The following SUGCT variants were observed in gnomAD, a reference collection of about 807,000 sequenced individuals.
SUGCT encodes the protein succinyl-CoA:glutarate CoA-transferase.
Under a neutral mutation model 55.0 loss-of-function variants are expected in SUGCT, and 41 were observed. The ratio of observed to expected loss-of-function variants is 0.74; its 90% CI spans 0.58 to 0.97. The LOEUF (loss-of-function observed/expected upper bound fraction) is 0.97, where lower values mean the gene tolerates loss of function less well. SUGCT is among the 50% of genes least tolerant of loss of function. The pLI, the probability that SUGCT is intolerant of heterozygous loss-of-function variation, is 0.00. For synonymous variants in SUGCT, 187 were observed against 200.4 expected (o/e 0.93, Z 0.56); for missense variants, 568 against 547.8 (o/e 1.04, Z -0.37).
At chr7:40,458,266 C>CT (rs1212046952) in intron 10 of SUGCT, among the ~76,000 whole-genome samples, 5 of 152,204 alleles carry the variant, frequency 3.3e-5, no homozygotes, top group African/African-American at 1.2e-4. Context: ...CTCCTTGTGA[C>CT]TTTCCAATAC....
chr7:40,991,139 T>C, the SUGCT span, among the ~76,000 whole-genome samples: 1 of 152,322 alleles, frequency 6.6e-6, no homozygotes, highest in African/African-American at 2.4e-5. Context: ...GATGTGCAAC[T>C]CTTCCTTTCA....
chr7:40,521,749 T>C (rs998770418), intron 12 of SUGCT, among the ~76,000 whole-genome samples: 1 of 152,096 alleles, frequency 6.6e-6, no homozygotes, highest in African/African-American at 2.4e-5. Context: ...GGGAATAATG[T>C]AGTATAGGGA....
At chr7:40,997,504 C>A in the SUGCT span, among the ~76,000 whole-genome samples, 5 of 152,152 alleles carry the variant, frequency 3.3e-5, no homozygotes, top group Admixed American at 6.5e-5. Context: ...TTACCACCAC[C>A]CTGCACACAC....
intron 6 of SUGCT, among the ~76,000 whole-genome samples, chr7:40,209,211 T>C (rs1787187830): frequency 6.6e-6 from 1 of 152,086 alleles, no homozygotes; most frequent in South Asian, 2.1e-4. Context: ...AAAATAAGAA[T>C]AAAGGGCCGG....
chr7:40,744,492 G>T (rs1050707773), intron 12 of SUGCT, among the ~76,000 whole-genome samples: 6 of 151,986 alleles, frequency 3.9e-5, no homozygotes, highest in African/African-American at 1.4e-4. Flanking sequence ...TATTTTAATG[G>T]TAAATCAAAT....
intron 1 of SUGCT, among the ~76,000 whole-genome samples, chr7:40,156,271 G>A (rs1458131032): frequency 1.3e-5 from 2 of 152,058 alleles, no homozygotes; most frequent in Non-Finnish European, 2.9e-5. Flanking sequence ...AGAGCATCCT[G>A]GCTAACACAG....
At chr7:40,984,368 A>T in the SUGCT span, among the ~76,000 whole-genome samples, 1 of 152,112 alleles carries the variant, frequency 6.6e-6, no homozygotes, top group Non-Finnish European at 1.5e-5. Flanking sequence ...CCTCTAAAAA[A>T]GATAACAGTG....
At chr7:40,795,165 G>A (rs1488490095) in intron 13 of SUGCT, among the ~76,000 whole-genome samples, 2 of 152,070 alleles carry the variant, frequency 1.3e-5, no homozygotes, top group Non-Finnish European at 2.9e-5. Flanking sequence ...ATCTTTGAGA[G>A]TAGGATAACT....
intron 12 of SUGCT, among the ~76,000 whole-genome samples, chr7:40,662,813 T>C (rs941899824): frequency 1.3e-5 from 2 of 152,182 alleles, no homozygotes; most frequent in East Asian, 1.9e-4. Flanking sequence ...TGTTACCTTT[T>C]AAAAAAATTA....
At chr7:40,804,548 T>C (rs1261975521) in intron 13 of SUGCT, among the ~76,000 whole-genome samples, 3 of 150,106 alleles carry the variant, frequency 2.0e-5, no homozygotes, top group Non-Finnish European at 4.4e-5. Flanking sequence ...AGAATATCAC[T>C]GTCCGGGCCA....
chr7:40,477,039 CATCTT>C (rs1224845889), intron 11 of SUGCT, among the ~76,000 whole-genome samples: 2 of 152,068 alleles, frequency 1.3e-5, no homozygotes, highest in African/African-American at 4.8e-5. Flanking sequence ...TGAGAGCACT[CATCTT>C]AGCTTTAATG....
chr7:40,952,116 G>C, the SUGCT span, among the ~76,000 whole-genome samples: 3 of 152,140 alleles, frequency 2.0e-5, no homozygotes, highest in African/African-American at 7.2e-5. Flanking sequence ...CTAAGGACTT[G>C]CTTTATGAAT....
intron 9 of SUGCT, among the ~76,000 whole-genome samples, chr7:40,345,660 T>A (rs1364228468): frequency 6.6e-6 from 1 of 152,120 alleles, no homozygotes; most frequent in African/African-American, 2.4e-5. Context: ...TGTGTTTTTT[T>A]AATTCATTTG....
At chr7:40,602,319 CTG>C (rs1798333240) in intron 12 of SUGCT, among the ~76,000 whole-genome samples, 1 of 152,146 alleles carries the variant, frequency 6.6e-6, no homozygotes, top group Non-Finnish European at 1.5e-5. Context: ...TTAAAAGAAA[CTG>C]TTTTAATGAA....
At chr7:40,154,591 A>G (rs1349697029) in intron 1 of SUGCT, among the ~76,000 whole-genome samples, 2 of 151,914 alleles carry the variant, frequency 1.3e-5, no homozygotes, top group South Asian at 2.1e-4. Context: ...AATCCTCCCA[A>G]AGTTTTGGGA....
chr7:40,316,655 TC>T, intron 8 of SUGCT, 104 bp from the exon 9 acceptor site: 3 of 699,070 alleles, frequency 4.3e-6, no homozygotes, highest in Non-Finnish European at 6.9e-6. Flanking sequence ...GTTTTTTTCT[TC>T]TACAATGAGA....
chr7:40,332,514 A>G (rs908060660), intron 9 of SUGCT, among the ~76,000 whole-genome samples: 1 of 149,284 alleles, frequency 6.7e-6, no homozygotes, highest in African/African-American at 2.5e-5. Flanking sequence ...TTTAAAATGC[A>G]TCTCAAGAAA....
At chr7:40,226,486 A>G (rs1788362304) in intron 6 of SUGCT, among the ~76,000 whole-genome samples, 1 of 152,208 alleles carries the variant, frequency 6.6e-6, no homozygotes. Context: ...AAAAACACAA[A>G]GACCAAAAAC....
intron 13 of SUGCT, among the ~76,000 whole-genome samples, chr7:40,843,558 G>C (rs1276907910): frequency 1.3e-5 from 2 of 150,644 alleles, no homozygotes; most frequent in Non-Finnish European, 1.5e-5. Flanking sequence ...GAGCAGAAAT[G>C]TGAAGGACGT....
Sources: allele counts gnomAD v4.1 joint callset (sites outside exome capture counted in the v4.1 genomes callset), GRCh38; gene constraint gnomAD v4.1.1; transcripts MANE v1.5; gene names NCBI Gene and HGNC (gene_info 2026-07-23, HGNC 2026-07-21).